HERC2: variants seen among roughly 807,000 people sequenced by gnomAD.
The protein encoded by HERC2 is E3 ubiquitin-protein ligase HERC2.
In HERC2, 102 loss-of-function variants were observed where a neutral mutation model predicts 537.7. The ratio of observed to expected loss-of-function variants is 0.19; its 90% confidence interval spans 0.16 to 0.22. HERC2 has a LOEUF of 0.22. Ranked by LOEUF, HERC2 falls within the 10% of genes least tolerant of loss-of-function variation. The probability of loss-of-function intolerance (pLI) is 1.00; values close to 1 mark genes in which losing one functional copy is unlikely to be tolerated. For missense variants in HERC2, 4,236 were observed against 6,198.2 expected (o/e 0.68, Z 10.63); for synonymous variants, 2,224 against 2,466.2 (o/e 0.90, Z 2.91).
chr15:28,153,222 G>A (rs1892636413), intron 69 of HERC2, among the ~76,000 whole-genome samples: 1 of 152,172 alleles, frequency 6.6e-6, no homozygotes, highest in South Asian at 2.1e-4. Flanking sequence ...GCGTGGTGGT[G>A]CATGCCTGTA....
At chr15:28,275,479 C>T (rs2075847888) in intron 5 of HERC2, among the ~76,000 whole-genome samples, 2 of 152,212 alleles carry the variant, frequency 1.3e-5, no homozygotes, top group African/African-American at 4.8e-5. Context: ...CTTGACCCAC[C>T]CTATGGGGCA....
intron 53 of HERC2, 104 bp from the exon 54 acceptor site, chr15:28,191,348 A>C: frequency 1.4e-6 from 1 of 711,594 alleles, no homozygotes; most frequent in Non-Finnish European, 2.4e-6. Flanking sequence ...AGATTTTTTC[A>C]ATATAAAATG....
rs146246766 is a variant in HERC2 at position 28,211,972 on chromosome 15, G to A, written c.6925+473C>T. On this transcript the variant is annotated intron_variant, in intron 43 of 92. Transcript: ENST00000261609. ...ACATGGAAACAAACTCAGGAGAGCCGCATTCTACAACCGAAGGAAGGCAAA... is the reference window on the plus strand; with the variant it reads ...ACATGGAAACAAACTCAGGAGAGCCACATTCTACAACCGAAGGAAGGCAAA... Among the ~76,000 whole-genome samples, 682 of 152,312 alleles carry A rather than the reference G, an allele frequency of 4.5e-3. 6 individuals are homozygous for A. Among genetic ancestry groups the A allele is most frequent in the African/African-American group, 0.013 (536 of 41,572 alleles).
intron 69 of HERC2, 96 bp downstream of exon 69, chr15:28,162,998 G>T: frequency 3.8e-6 from 4 of 1,045,532 alleles, no homozygotes; most frequent in Non-Finnish European, 5.6e-6. Context: ...CCCAGCACAA[G>T]ATCACCGGTG....
At chr15:28,185,265 C>T (rs1017740822) in intron 56 of HERC2, among the ~76,000 whole-genome samples, 1 of 152,040 alleles carries the variant, frequency 6.6e-6, no homozygotes, top group African/African-American at 2.4e-5. Flanking sequence ...CAGGGCAGTG[C>T]TCTGTTGTCT....
At chr15:28,248,825 T>C (rs1903976359) in intron 20 of HERC2, 89 bp from the exon 21 acceptor site, 2 of 1,013,182 alleles carry the variant, frequency 2.0e-6, no homozygotes, top group Non-Finnish European at 2.9e-6. Context: ...CAAATTAATA[T>C]CACAAACACA....
intron 35 of HERC2, among the ~76,000 whole-genome samples, chr15:28,225,558 C>T (rs1267302073): frequency 1.3e-5 from 2 of 151,352 alleles, no homozygotes; most frequent in African/African-American, 2.4e-5. Flanking sequence ...ATTAGCTGGG[C>T]GTGGTGGCGC....
chr15:28,320,049 C>T (rs1179952055), intron 2 of HERC2: 1 of 151,914 alleles, frequency 6.6e-6, no homozygotes, highest in Non-Finnish European at 1.5e-5. Flanking sequence ...TACACCAATT[C>T]TTGACCCAAT....
chr15:28,282,976 C>A (rs73362700), intron 4 of HERC2, among the ~76,000 whole-genome samples: 1 of 112,594 alleles, frequency 8.9e-6, no homozygotes, highest in Non-Finnish European at 1.6e-5. Context: ...AGGGATGGGA[C>A]GGGACGGGAC....
In HERC2 at chr15:28,259,733, T is replaced by G. The variant is rs1596339433; in HGVS notation, c.2316+1044A>C. On this transcript the variant is annotated intron_variant, in intron 16 of 92. Coordinates refer to ENST00000261609, the MANE Select transcript of HERC2 (RefSeq NM_004667.6). Reference sequence around the variant, plus strand: ...ACTTTGGGATGCCAAGGAGGATGGATCACTTGAGGTCAGGAGTTGGAGACC... The same window carrying G: ...ACTTTGGGATGCCAAGGAGGATGGAGCACTTGAGGTCAGGAGTTGGAGACC... Among the ~76,000 whole-genome samples the G allele has an allele frequency of 2.7e-5, 4 of 150,850 alleles. No homozygotes were observed. The South Asian group carries it at 8.4e-4, about 32-fold the overall frequency.
chr15:28,317,201 C>T (rs995436912), intron 2 of HERC2, among the ~76,000 whole-genome samples: 1 of 152,150 alleles, frequency 6.6e-6, no homozygotes, highest in African/African-American at 2.4e-5. Context: ...AGCACTTCTC[C>T]TGCCTCAACC....
rs539382976 is a variant in HERC2 at position 28,204,613 on chromosome 15, C to T, written c.7212+1627G>A. Reference sequence around the variant, plus strand: ...CCAGCCTGGAGACAGAGCGAGACTCCGTCAAAAAAAAAAAAAAAAAAGATA... The same window carrying T: ...CCAGCCTGGAGACAGAGCGAGACTCTGTCAAAAAAAAAAAAAAAAAAGATA... On this transcript the variant is annotated intron_variant, in intron 45 of 92. Transcript: ENST00000261609. 1.0e-3 allele frequency among the ~76,000 whole-genome samples: 125 copies of T among 122,320 alleles called. 1 individual carries two copies. The South Asian group carries it at 0.03, about 30-fold the overall frequency. The allele number at this position is 122,320 out of a possible 152,430, so 80.2% of individuals were successfully genotyped here.
intron 2 of HERC2, among the ~76,000 whole-genome samples, chr15:28,321,025 A>G (rs2077214647): frequency 6.6e-6 from 1 of 152,008 alleles, no homozygotes; most frequent in Admixed American, 6.6e-5. Context: ...TTAACTCAAC[A>G]GCTCAAAAAC....
At chr15:28,224,422 A>G (rs1190269357) in intron 35 of HERC2, among the ~76,000 whole-genome samples, 1 of 152,038 alleles carries the variant, frequency 6.6e-6, no homozygotes, top group African/African-American at 2.4e-5. Context: ...GGGTTTCTCT[A>G]TGTTGCCCAA....
chr15:28,174,964 G>A (rs1486655656), intron 64 of HERC2, among the ~76,000 whole-genome samples: 1 of 152,006 alleles, frequency 6.6e-6, no homozygotes, highest in Non-Finnish European at 1.5e-5. Context: ...ACCAAAAACA[G>A]TATGCTCATT....
rs796707534 is a variant in HERC2, at chr15:28,113,629, G to A, written c.13963C>T (p.Arg4655Cys). 1.1e-5 allele frequency: 17 copies of A among 1,614,044 alleles called. No individual in the cohort carries two copies. The highest frequency in any genetic ancestry group is 5.0e-5 in the Admixed American group (3 of 60,000). ...GAGAGGAGGGGAACAGGCACAACGC[G>A]GGCCATTCCTTCCCGAACAGCAGCC... is the stretch of plus-strand genomic sequence containing the variant. ...QVAAVREGMA[R>C]VVPVPLLSLF... The change falls in exon 91 of 93, where the codon CGC becomes TGC. Residue 4655 changes from arginine (R) to cysteine (C), a missense_variant. By Grantham distance (180) the Arg-to-Cys change is radical (BLOSUM62 -3). Transcript: ENST00000261609. This position sits in a 1 kb window ranked among gnomAD's most constrained non-coding sequence, Gnocchi z 7.0.
At chr15:28,217,826 C>T (rs1194447119) in intron 38 of HERC2, among the ~76,000 whole-genome samples, 1 of 151,980 alleles carries the variant, frequency 6.6e-6, no homozygotes, top group Admixed American at 6.6e-5. Context: ...TGGCACAATG[C>T]GTCCCAACAC....
chr15:28,134,831 TG>T (rs1384610253), intron 79 of HERC2, among the ~76,000 whole-genome samples: 1 of 151,700 alleles, frequency 6.6e-6, no homozygotes, highest in Non-Finnish European at 1.5e-5. Flanking sequence ...TCACCACATC[TG>T]GCTAATTTTT....
intron 55 of HERC2, among the ~76,000 whole-genome samples, chr15:28,190,047 C>T (rs550142400): frequency 2.8e-5 from 4 of 143,920 alleles, no homozygotes; most frequent in Non-Finnish European, 4.5e-5. Context: ...CTGGCTCTGT[C>T]GCCCAGGCTG....
Sources: gnomAD v4.1 joint callset for allele counts (sites outside exome capture counted in the v4.1 genomes callset) on GRCh38, gnomAD v4.1.1 for gene constraint, Gnocchi (gnomAD v3.1) non-coding constraint, MANE v1.5 for transcripts, NCBI Gene and HGNC (gene_info 2026-07-23, HGNC 2026-07-21) for gene names.